Variants in JAKMIP2 observed in about 807,000 individuals in gnomAD.
JAKMIP2 encodes the protein janus kinase and microtubule-interacting protein 2.
Under a neutral mutation model 115.0 loss-of-function variants are expected in JAKMIP2, and 25 were observed. The ratio of observed to expected loss-of-function variants is 0.22; its 90% CI spans 0.16 to 0.30. The LOEUF is 0.30. JAKMIP2 is among the 10% of genes least tolerant of loss of function. The pLI, the probability that JAKMIP2 is intolerant of heterozygous loss-of-function variation, is 1.00. For synonymous variants in JAKMIP2, 334 were observed against 343.6 expected, an observed-to-expected ratio of 0.97 and a Z score of 0.31; for missense variants, 642 against 957.6, an observed-to-expected ratio of 0.67 and a Z score of 4.35.
chr5:147,615,768 C>T (rs1427035056), intron 19 of JAKMIP2, among the ~76,000 whole-genome samples: 1 of 151,638 alleles, frequency 6.6e-6, no homozygotes, highest in African/African-American at 2.4e-5. Flanking sequence ...AAGGCAGGGT[C>T]CACGGTGAAT....
intron 15 of JAKMIP2, among the ~76,000 whole-genome samples, 196 bp from the exon 16 acceptor site, chr5:147,629,012 T>A (rs1010286725): frequency 1.3e-5 from 2 of 152,192 alleles, no homozygotes; most frequent in Non-Finnish European, 2.9e-5. Context: ...CGTGATTTTT[T>A]AAATATCTCC....
At chr5:147,650,833 C>T (rs1277582006) in intron 3 of JAKMIP2, among the ~76,000 whole-genome samples, 2 of 152,026 alleles carry the variant, frequency 1.3e-5, no homozygotes, top group Non-Finnish European at 1.5e-5. Flanking sequence ...ATTAGATATG[C>T]AAAGGACAGT....
chr5:147,690,378 A>G (rs1370903562), intron 1 of JAKMIP2, among the ~76,000 whole-genome samples: 1 of 151,752 alleles, frequency 6.6e-6, no homozygotes, highest in Non-Finnish European at 1.5e-5. Flanking sequence ...CCAGCATAAT[A>G]AAGTGGTATG....
chr5:147,696,891 A>T (rs1752127393), intron 1 of JAKMIP2, among the ~76,000 whole-genome samples: 1 of 152,188 alleles, frequency 6.6e-6, no homozygotes, highest in Non-Finnish European at 1.5e-5. Flanking sequence ...TGCCCTAGAG[A>T]TCTGAGGAAC....
In JAKMIP2 at chr5:147,657,204, C is replaced by T. The variant is rs963520349; in HGVS notation, c.627+3744G>A. ...CTGAGGCAGGGGAATGGCATGAACC[C>T]GGGAGGCGGAGCTTGCAGTGAGCCG... On this transcript the variant is annotated intron_variant, in intron 3 of 21. Transcript: ENST00000616793. 1.3e-4 allele frequency among the ~76,000 whole-genome samples: 19 copies of T among 150,160 alleles called. No homozygotes were observed. In the East Asian group the frequency reaches 1.4e-3, roughly 11 times the overall value.
intron 1 of JAKMIP2, among the ~76,000 whole-genome samples, chr5:147,707,775 G>A (rs1347750029): frequency 6.6e-6 from 1 of 152,170 alleles, no homozygotes; most frequent in East Asian, 1.9e-4. Context: ...TGACTGATAT[G>A]CAAATGAGAT....
In JAKMIP2 at chr5:147,596,176, C is replaced by G. The variant is rs192028635; in HGVS notation, c.*21-4490G>C. The stretch of plus-strand genomic sequence containing the variant: ...TTAGACCATGCAGGGCTTTGTTGGC[C>G]AAGTTAAAAAATTCAAATTTGATCT... On this transcript the variant is annotated intron_variant, in intron 21 of 21. Transcript: ENST00000616793. 3.5e-3 allele frequency among the ~76,000 whole-genome samples: 534 copies of G among 151,514 alleles called. 1 individual carries two copies. The highest frequency in any genetic ancestry group is 4.3e-3 in the Non-Finnish European group (293 of 67,886).
chr5:147,684,255 A>T (rs1324872411), intron 1 of JAKMIP2, among the ~76,000 whole-genome samples: 4 of 151,882 alleles, frequency 2.6e-5, no homozygotes, highest in Non-Finnish European at 4.4e-5. Flanking sequence ...ATAATACAAT[A>T]TGTATCTACC....
chr5:147,606,942 G>T (rs1267045371), intron 20 of JAKMIP2, among the ~76,000 whole-genome samples: 2 of 152,112 alleles, frequency 1.3e-5, no homozygotes, highest in African/African-American at 2.4e-5. Flanking sequence ...TGTAGCAATT[G>T]TGAATGGGAG....
At chr5:147,668,849 C>A (rs553052668) in intron 2 of JAKMIP2, among the ~76,000 whole-genome samples, 1 of 152,124 alleles carries the variant, frequency 6.6e-6, no homozygotes, top group Non-Finnish European at 1.5e-5. Flanking sequence ...GGGACTCTGG[C>A]AGGATGAAAT....
intron 1 of JAKMIP2, among the ~76,000 whole-genome samples, chr5:147,760,326 A>G (rs1754887826): frequency 6.6e-6 from 1 of 151,878 alleles, no homozygotes; most frequent in Admixed American, 6.6e-5. Flanking sequence ...AAAACAAGGA[A>G]GTCAAGCACT....
rs1030250728 is a variant in JAKMIP2 at position 147,721,433 on chromosome 5, C to T, written c.-148-49479G>A. Among the ~76,000 whole-genome samples the T allele has an allele frequency of 5.9e-5, 9 of 151,772 alleles. No individual in the cohort carries two copies. The South Asian group carries it at 6.2e-4, about 11-fold the overall frequency. On this transcript the variant is annotated intron_variant, in intron 1 of 21. Transcript: ENST00000616793. ...CTCAGCAAGCCTGGGCAATGGCGGGCGCCCCTCCCCCAGCCTCGCTGCCAC... is the reference window on the plus strand; with the variant it reads ...CTCAGCAAGCCTGGGCAATGGCGGGTGCCCCTCCCCCAGCCTCGCTGCCAC...
intron 11 of JAKMIP2, 81 bp downstream of exon 11, chr5:147,636,884 G>A (rs1561506271): frequency 1.2e-6 from 1 of 842,798 alleles, no homozygotes; most frequent in South Asian, 1.3e-5. Flanking sequence ...TGTCCTGGGT[G>A]CGGCCCATGC....
chr5:147,667,121 C>T (rs1320408496), intron 2 of JAKMIP2, among the ~76,000 whole-genome samples: 1 of 152,052 alleles, frequency 6.6e-6, no homozygotes, highest in Admixed American at 6.5e-5. Flanking sequence ...TTGGCAGCAT[C>T]TAATCTTGAC....
Position 147,618,014 on chromosome 5 carries a change from C to G in JAKMIP2, c.2243G>C (p.Arg748Thr). ...LLSEKQQEEL[R>T]TAVEKLRRQM... ...CCGCCGTAACTTTTCTACTGCCGTC[C>G]TCAGCTCCTCTTGCTGTTTTTCACT... The change falls in exon 19 of 22, where the codon AGG becomes ACG. Residue 748 changes from arginine (R) to threonine (T), a missense_variant. Around this residue, in one of 6 missense-constraint regions of JAKMIP2, gnomAD observed 68 missense variants for 104.6 expected, o/e 0.65. Coordinates refer to ENST00000616793, the MANE Select transcript of JAKMIP2 (RefSeq NM_001270941.2). The G allele has an allele frequency of 6.2e-7, 1 of 1,614,154 alleles. No individual in the cohort carries two copies. The highest frequency in any genetic ancestry group is 8.5e-7 in the Non-Finnish European group (1 of 1,179,984).
At chr5:147,694,360 T>C (rs1752005505) in intron 1 of JAKMIP2, among the ~76,000 whole-genome samples, 1 of 152,170 alleles carries the variant, frequency 6.6e-6, no homozygotes, top group Non-Finnish European at 1.5e-5. Context: ...GTCACAGTCA[T>C]ATCATGGGCA....
At chr5:147,775,944 A>T (rs1755536994) in intron 1 of JAKMIP2, among the ~76,000 whole-genome samples, 1 of 151,966 alleles carries the variant, frequency 6.6e-6, no homozygotes, top group Non-Finnish European at 1.5e-5. Context: ...CTCTGTAATT[A>T]CAACTTTTGA....
At chr5:147,596,908 G>A (rs775898406) in intron 21 of JAKMIP2, among the ~76,000 whole-genome samples, 2 of 152,086 alleles carry the variant, frequency 1.3e-5, no homozygotes, top group Non-Finnish European at 2.9e-5. Context: ...GTCTTACTCT[G>A]TCACCCAGGC....
intron 1 of JAKMIP2, among the ~76,000 whole-genome samples, chr5:147,715,781 T>C (rs1417535032): frequency 6.6e-6 from 1 of 151,724 alleles, no homozygotes; most frequent in Non-Finnish European, 1.5e-5. Context: ...ACATACATCA[T>C]ATCATCTCCA....
Sources: allele counts gnomAD v4.1 joint callset (sites outside exome capture counted in the v4.1 genomes callset), GRCh38; gene constraint gnomAD v4.1.1; regional missense constraint gnomAD v4.1.1; transcripts MANE v1.5; gene names NCBI Gene and HGNC (gene_info 2026-07-23, HGNC 2026-07-21).